The following NR6A1 variants were observed in gnomAD, a reference collection of about 807,000 sequenced individuals.
NR6A1 encodes retinoic acid receptor-related testis-associated receptor.
A neutral mutation model predicts 59.1 loss-of-function variants in NR6A1; 7 were observed. That is an observed-to-expected ratio of 0.12 (90% CI 0.07 to 0.22). The LOEUF is 0.22. Among genes scored for constraint, NR6A1 ranks in the 10% least tolerant of loss-of-function variants. The pLI, the probability that NR6A1 is intolerant of heterozygous loss-of-function variation, is 1.00. For missense variants in NR6A1, 468 were observed against 611.6 expected, an observed-to-expected ratio of 0.77 and a Z score of 2.48; for synonymous variants, 243 against 236.1, an observed-to-expected ratio of 1.03 and a Z score of -0.27.
chr9:124,716,620 G>A (rs1466865708), intron 2 of NR6A1, among the ~76,000 whole-genome samples: 1 of 152,110 alleles, frequency 6.6e-6, no homozygotes, highest in African/African-American at 2.4e-5. Flanking sequence ...CAAAACACAT[G>A]AATTTCTTTT....
chr9:124,532,567 T>G (rs16927504), intron 7 of NR6A1, among the ~76,000 whole-genome samples: 3,679 of 152,250 alleles, frequency 0.024, 119 homozygotes, highest in East Asian at 0.096. Flanking sequence ...ACAAAACACA[T>G]GATACTCAGT....
chr9:124,544,513 T>C (rs756211056), intron 3 of NR6A1, among the ~76,000 whole-genome samples: 9 of 152,196 alleles, frequency 5.9e-5, no homozygotes, highest in Non-Finnish European at 1.2e-4. Flanking sequence ...TTTGCAATTA[T>C]AGTAGGACCA....
At chr9:124,543,937 C>T (rs936710143) in intron 3 of NR6A1, 80 bp from the exon 4 acceptor site, 2 of 1,207,106 alleles carry the variant, frequency 1.7e-6, no homozygotes, top group Non-Finnish European at 2.4e-6. Flanking sequence ...GTTTACTTGG[C>T]CAAAAGCATA....
intron 2 of NR6A1, among the ~76,000 whole-genome samples, chr9:124,626,719 G>C (rs1487677960): frequency 6.6e-6 from 1 of 151,920 alleles, no homozygotes; most frequent in Non-Finnish European, 1.5e-5. Flanking sequence ...GTGGATCACG[G>C]GGTCAGGAAT....
chr9:124,584,365 A>G (rs1301132766), intron 2 of NR6A1, among the ~76,000 whole-genome samples: 1 of 152,102 alleles, frequency 6.6e-6, no homozygotes, highest in Non-Finnish European at 1.5e-5. Context: ...TCGGCCTCCC[A>G]AAGTGCTGGG....
At chr9:124,605,937 G>A (rs75793090) in intron 2 of NR6A1, among the ~76,000 whole-genome samples, 1,565 of 152,212 alleles carry the variant, frequency 0.01, 26 homozygotes, top group African/African-American at 0.036. Flanking sequence ...TTATGGGTAT[G>A]TCTTGCTTGC....
chr9:124,735,733 A>T (rs1402425735), intron 1 of NR6A1, among the ~76,000 whole-genome samples: 1 of 152,190 alleles, frequency 6.6e-6, no homozygotes, highest in Non-Finnish European at 1.5e-5. Context: ...CTGCTATAAT[A>T]AAATATCATA....
At chr9:124,671,609 GTAT>G (rs1256556549) in intron 2 of NR6A1, among the ~76,000 whole-genome samples, 7 of 152,064 alleles carry the variant, frequency 4.6e-5, no homozygotes, top group African/African-American at 1.7e-4. Context: ...TGGCCTAAAA[GTAT>G]TATTAATTAG....
At chr9:124,621,155 T>G (rs778055540) in intron 2 of NR6A1, among the ~76,000 whole-genome samples, 18 of 152,228 alleles carry the variant, frequency 1.2e-4, no homozygotes, top group Non-Finnish European at 1.8e-4. Context: ...GGGCTTTGCC[T>G]GCAAAGTATA....
At chr9:124,713,195 C>A (rs975920344) in intron 2 of NR6A1, among the ~76,000 whole-genome samples, 2 of 151,886 alleles carry the variant, frequency 1.3e-5, no homozygotes, top group African/African-American at 4.8e-5. Context: ...AAAATAATAT[C>A]CACATGAGAA....
chr9:124,667,015 C>G (rs909511342), intron 2 of NR6A1, among the ~76,000 whole-genome samples: 1 of 151,652 alleles, frequency 6.6e-6, no homozygotes, highest in Admixed American at 6.6e-5. Context: ...TTACAAATTG[C>G]GAATATTACT....
chr9:124,687,284 C>CTAATTAAT (rs1428455082), intron 2 of NR6A1, among the ~76,000 whole-genome samples: 106 of 136,056 alleles, frequency 7.8e-4, no homozygotes, highest in African/African-American at 2.6e-3. Flanking sequence ...CCACAGCCAG[C>CTAATTAAT]TAATTAATTA....
intron 2 of NR6A1, among the ~76,000 whole-genome samples, chr9:124,650,646 C>T (rs1393367081): frequency 6.6e-6 from 1 of 152,148 alleles, no homozygotes; most frequent in Non-Finnish European, 1.5e-5. Flanking sequence ...TTCCCTATTA[C>T]CCCAATTTGA....
chr9:124,640,956 GAAGTT>G (rs1290424417), intron 2 of NR6A1, among the ~76,000 whole-genome samples: 2 of 152,042 alleles, frequency 1.3e-5, no homozygotes, highest in Non-Finnish European at 2.9e-5. Flanking sequence ...GCTAAAATAA[GAAGTT>G]AAGAAACTGA....
chr9:124,735,919 C>T (rs911627804), intron 1 of NR6A1, among the ~76,000 whole-genome samples: 7 of 152,142 alleles, frequency 4.6e-5, no homozygotes, highest in Admixed American at 4.6e-4. Context: ...CCAAAAGGCC[C>T]CCATGCTAAT....
At chr9:124,698,318 A>G (rs1217096566) in intron 2 of NR6A1, 1 of 152,242 alleles carries the variant, frequency 6.6e-6, no homozygotes, top group African/African-American at 2.4e-5. Flanking sequence ...TTTCTTTTAG[A>G]TGCAGAATCT....
intron 2 of NR6A1, among the ~76,000 whole-genome samples, chr9:124,668,468 C>T (rs898779244): frequency 2.0e-5 from 3 of 152,058 alleles, no homozygotes; most frequent in African/African-American, 4.8e-5. Context: ...AGGAGTTTTT[C>T]TGCCACTATA....
intron 2 of NR6A1, among the ~76,000 whole-genome samples, chr9:124,582,497 C>G (rs1332684630): frequency 6.6e-6 from 1 of 151,990 alleles, no homozygotes; most frequent in East Asian, 1.9e-4. Flanking sequence ...ATGAAATGAT[C>G]TGTACAACAA....
intron 2 of NR6A1, among the ~76,000 whole-genome samples, chr9:124,690,370 A>G (rs539464419): frequency 6.6e-5 from 10 of 152,258 alleles, no homozygotes; most frequent in African/African-American, 1.9e-4. Flanking sequence ...GTGGGTTTCA[A>G]TATTTCATGG....
Sources: gnomAD v4.1 joint callset for allele counts (sites outside exome capture counted in the v4.1 genomes callset) on GRCh38, gnomAD v4.1.1 for gene constraint, MANE v1.5 for transcripts, NCBI Gene and HGNC (gene_info 2026-07-23, HGNC 2026-07-21) for gene names.